ZNF234: variants seen among roughly 807,000 people sequenced by gnomAD.
ZNF234 encodes the protein C2-H2 type zinc finger protein.
In ZNF234, 4 loss-of-function variants were observed where a neutral mutation model predicts 10.3. The ratio of observed to expected loss-of-function variants is 0.39; its 90% CI spans 0.19 to 0.89. The LOEUF is 0.89. ZNF234 is among the 40% of genes least tolerant of loss of function. The pLI, the probability that ZNF234 is intolerant of heterozygous loss-of-function variation, is 0.38. For synonymous variants in ZNF234, 258 were observed against 280.1 expected (o/e 0.92, Z 0.79); for missense variants, 711 against 836.1 (o/e 0.85, Z 1.85).
chr19:44,150,393 T>C lies in ZNF234; in HGVS notation c.143-20T>C, dbSNP rs377448318. 3.9e-6 allele frequency: 6 copies of C among 1,557,012 alleles called. No individual in the cohort carries two copies. The African/African-American group carries it at 6.8e-5, about 18-fold the overall frequency. ...ACCTTTAGTGTGTTTGTTTTAAATA[T>C]GTGACTTTGCGTGTTCTAGGGCATC... On this transcript the variant is annotated intron_variant, in intron 4 of 5. Coordinates refer to ENST00000426739, the MANE Select transcript of ZNF234 (RefSeq NM_006630.3).
intron 5 of ZNF234, among the ~76,000 whole-genome samples, chr19:44,152,448 G>C (rs561146378): frequency 6.6e-6 from 1 of 152,310 alleles, no homozygotes; most frequent in Admixed American, 6.5e-5. Context: ...GTTGCAGAAC[G>C]TTATTTGTTT....
Position 44,158,302 on chromosome 19 carries a change from A to G in ZNF234, c.*183A>G, listed in dbSNP as rs1968962164. The G allele has an allele frequency of 4.5e-6, 3 of 672,404 alleles. No individual in the cohort carries two copies. Among genetic ancestry groups the G allele is most frequent in the African/African-American group, 1.8e-5 (1 of 55,540 alleles). The allele number at this position is 672,404 out of a possible 1,614,324, so 41.7% of individuals were successfully genotyped here. ...GAAACAGAATCTCGCTCTGTTGCCC[A>G]TGCTGGATGCAGTGGTGCTATCTCA... On this transcript the variant is annotated 3_prime_UTR_variant, in exon 6 of 6. Transcript: ENST00000426739.
chr19:44,144,887 C>G (rs1192979332), intron 3 of ZNF234, among the ~76,000 whole-genome samples: 1 of 152,160 alleles, frequency 6.6e-6, no homozygotes, highest in African/African-American at 2.4e-5. Context: ...GTGGATTCAA[C>G]CAACCACAGA....
rs1968918428 is a variant in ZNF234, at chr19:44,157,307, G to A, written c.1291G>A (p.Glu431Lys). Residue 431 changes from glutamate (E) to lysine (K), a missense_variant, in exon 6 of 6, where the codon GAA (glutamate) becomes AAA (lysine). By Grantham distance (56) the Glu-to-Lys change is moderately conservative. Transcript: ENST00000426739. ...VHTGEKPYKC[E>K]VCGKAFRQSS... ...CACAGGGGAAAAACCCTATAAATGT[G>A]AAGTATGTGGTAAAGCCTTCCGTCA... 1 of 1,613,982 alleles carries A rather than the reference G, an allele frequency of 6.2e-7. No homozygotes were observed. Among genetic ancestry groups the A allele is most frequent in the African/African-American group, 1.3e-5 (1 of 75,034 alleles).
At chr19:44,156,211 T>G (rs759153942) in intron 5 of ZNF234, 41 bp from the exon 6 acceptor site, 8 of 1,516,074 alleles carry the variant, frequency 5.3e-6, no homozygotes, top group Non-Finnish European at 6.2e-6. Flanking sequence ...TTGAAAACTT[T>G]TAACAGAGCC....
intron 5 of ZNF234, among the ~76,000 whole-genome samples, chr19:44,153,651 C>T (rs1259100130): frequency 6.6e-6 from 1 of 152,180 alleles, no homozygotes; most frequent in African/African-American, 2.4e-5. Context: ...CCAAGTGATT[C>T]TTGCCACCTT....
chr19:44,150,695 A>G (rs1240656991), intron 5 of ZNF234, among the ~76,000 whole-genome samples, 190 bp downstream of exon 5: 3 of 152,076 alleles, frequency 2.0e-5, no homozygotes, highest in Admixed American at 6.6e-5. Flanking sequence ...CGTTCTCCAT[A>G]TCATAGCTAA....
rs772906776 is a variant in ZNF234 at position 44,156,556 on chromosome 19, G to A, written c.540G>A (p.Glu180=). The A allele has an allele frequency of 6.2e-7, 1 of 1,614,116 alleles. No individual in the cohort carries two copies. The highest frequency in any genetic ancestry group is 1.1e-5 in the South Asian group (1 of 91,086). Residue 180 remains glutamate, a synonymous_variant, in exon 6 of 6, where the codon GAG becomes GAA. Coordinates refer to ENST00000426739, the MANE Select transcript of ZNF234 (RefSeq NM_006630.3). ...HSGEKSHTCD[E]CGKSFCYISA... is the part of the protein sequence containing the mutation. The stretch of plus-strand genomic sequence containing the variant: ...GAGAGAAGTCTCATACATGTGATGA[G>A]TGTGGAAAAAGCTTCTGTTACATCT...
chr19:44,156,985 G>T lies in ZNF234; in HGVS notation c.969G>T (p.Lys323Asn). The T allele has an allele frequency of 6.2e-7, 1 of 1,613,988 alleles. No homozygotes were observed. Among genetic ancestry groups the T allele is most frequent in the Non-Finnish European group, 8.5e-7 (1 of 1,179,942 alleles). The change falls in exon 6 of 6, where the codon AAG (lysine) becomes AAT (asparagine). Residue 323 changes from lysine to asparagine, a missense_variant. Transcript: ENST00000426739. ...EKPYKCEDCG[K>N]CFTCSSNLRI... ...CATACAAATGTGAGGACTGTGGTAA[G>T]TGTTTCACTTGTAGCTCAAACCTTC... is the stretch of plus-strand genomic sequence containing the variant.
intron 3 of ZNF234, among the ~76,000 whole-genome samples, chr19:44,144,950 G>A (rs1968554487): frequency 6.6e-6 from 1 of 152,164 alleles, no homozygotes. Flanking sequence ...TTTTGCGGTT[G>A]ATTGAGTCTG....
intron 5 of ZNF234, among the ~76,000 whole-genome samples, chr19:44,151,241 C>T (rs1254278252): frequency 2.6e-5 from 4 of 151,994 alleles, no homozygotes; most frequent in South Asian, 2.1e-4. Flanking sequence ...CTCGCTCTGT[C>T]GCCCAGGCTG....
Position 44,144,558 on chromosome 19 carries a change from G to A in ZNF234, c.-75G>A, listed in dbSNP as rs576190659. On this transcript the variant is annotated splice_region_variant and 5_prime_UTR_variant, in exon 3 of 6. Transcript: ENST00000426739. Reference sequence around the variant, plus strand: ...TGTCTCTTTTTGTGTCTTCCATAGTGTTCCAGGCACGATTCTGCCTTCTCT... The same window carrying A: ...TGTCTCTTTTTGTGTCTTCCATAGTATTCCAGGCACGATTCTGCCTTCTCT... The A allele has an allele frequency of 7.2e-6, 10 of 1,383,158 alleles. No individual in the cohort carries two copies. Among genetic ancestry groups the A allele is most frequent in the East Asian group, 4.8e-5 (2 of 41,906 alleles). The allele number at this position is 1,383,158 out of a possible 1,614,324, so 85.7% of individuals were successfully genotyped here. A position where few individuals can be genotyped will look rare whatever the true frequency, so the allele number is the denominator to read the frequency against.
Position 44,157,894 on chromosome 19 carries a change from T to G in ZNF234, c.1878T>G (p.Cys626Trp). 6.2e-7 allele frequency: 1 copy of G among 1,614,130 alleles called. No homozygotes were observed. Among genetic ancestry groups the G allele is most frequent in the Non-Finnish European group, 8.5e-7 (1 of 1,180,022 alleles). Residue 626 changes from cysteine (C) to tryptophan (W), a missense_variant, in exon 6 of 6, where the codon TGT (cysteine) becomes TGG (tryptophan). Transcript: ENST00000426739. The stretch of plus-strand genomic sequence containing the variant: ...ACACAGGAGAGAAACCATACAAATG[T>G]GATGTATGTGGTAAAGTCTTCAGTC... Reference protein sequence around the residue: ...SVHTGEKPYKCDVCGKVFSRS... With the variant: ...SVHTGEKPYKWDVCGKVFSRS...
Position 44,158,249 on chromosome 19 carries a change from CT to C in ZNF234, c.*138del, listed in dbSNP as rs548604741. 59 of 1,084,894 alleles carry C rather than the reference CT, an allele frequency of 5.4e-5. No individual in the cohort carries two copies. The highest frequency in any genetic ancestry group is 9.1e-5 in the South Asian group (7 of 76,580). 67.2% of individuals were successfully genotyped at this position (1,084,894 alleles called of 1,614,324 possible). ...GTAACGCTCCACATTTCCACCTAGACTTTTTTTTGTTTTTTATTTTTTGTTT... is the reference window on the plus strand; with the variant it reads ...GTAACGCTCCACATTTCCACCTAGACTTTTTTTGTTTTTTATTTTTTGTTT... On this transcript the variant is annotated 3_prime_UTR_variant, in exon 6 of 6. Coordinates refer to ENST00000426739, the MANE Select transcript of ZNF234 (RefSeq NM_006630.3).
Position 44,156,693 on chromosome 19 carries a change from A to G in ZNF234, c.677A>G (p.His226Arg), listed in dbSNP as rs370073890. ...CATCTTCAAACTCATCAGAGAGTCCACACTGTAGAGAAACCATTCAAATGT... is the reference window on the plus strand; with the variant it reads ...CATCTTCAAACTCATCAGAGAGTCCGCACTGTAGAGAAACCATTCAAATGT... Reference protein sequence around the residue: ...SSHLQTHQRVHTVEKPFKCVE... With the variant: ...SSHLQTHQRVRTVEKPFKCVE... The change falls in exon 6 of 6, where the codon CAC becomes CGC. Residue 226 changes from histidine to arginine, a missense_variant. Physicochemically the swap from His to Arg is conservative, Grantham distance 29 (BLOSUM62 0). Coordinates refer to ENST00000426739, the MANE Select transcript of ZNF234 (RefSeq NM_006630.3). The G allele has an allele frequency of 6.2e-7, 1 of 1,614,132 alleles. No homozygotes were observed. The highest frequency in any genetic ancestry group is 8.5e-7 in the Non-Finnish European group (1 of 1,180,056).
chr19:44,157,415 C>A lies in ZNF234; in HGVS notation c.1399C>A (p.Gln467Lys). Residue 467 changes from glutamine to lysine, a missense_variant, in exon 6 of 6, where the codon CAG becomes AAG. Physicochemically the swap from Gln to Lys is moderately conservative, Grantham distance 53. Transcript: ENST00000426739. ...TGAAGAGTGTGGGCAGGGCTTCAAT[C>A]AGAGCTCACGACTTCAGATTCACCA... is the stretch of plus-strand genomic sequence containing the variant. ...KCEECGQGFN[Q>K]SSRLQIHQLI... is the part of the protein sequence containing the mutation. 6.2e-7 allele frequency: 1 copy of A among 1,613,960 alleles called. No homozygotes were observed.
rs762938368 is a variant in ZNF234 at position 44,150,408 on chromosome 19, T to C, written c.143-5T>C. Reference sequence around the variant, plus strand: ...GTTTTAAATATGTGACTTTGCGTGTTCTAGGGCATCACCCCTTCAAACATG... The same window carrying C: ...GTTTTAAATATGTGACTTTGCGTGTCCTAGGGCATCACCCCTTCAAACATG... On this transcript the variant is annotated splice_polypyrimidine_tract_variant and splice_region_variant and intron_variant, in intron 4 of 5. Transcript: ENST00000426739. 2.5e-6 allele frequency: 4 copies of C among 1,573,546 alleles called. No individual in the cohort carries two copies. Among genetic ancestry groups the C allele is most frequent in the Non-Finnish European group, 2.6e-6 (3 of 1,159,978 alleles).
At position 44,157,519 on chromosome 19, in the gene ZNF234, T is replaced by G; in HGVS notation, c.1503T>G (p.Ile501Met). ...KGFSRRADLK[I>M]HCRIHTGEKP... ...TTAGTCGTAGAGCAGATCTTAAAAT[T>G]CATTGTAGGATCCACACAGGGGAGA... Residue 501 changes from isoleucine to methionine, a missense_variant, in exon 6 of 6, where the codon ATT becomes ATG. Ile to Met is a conservative substitution (Grantham distance 10, BLOSUM62 1). Transcript: ENST00000426739. 2.5e-6 allele frequency: 4 copies of G among 1,613,628 alleles called. No individual in the cohort carries two copies. The highest frequency in any genetic ancestry group is 3.4e-6 in the Non-Finnish European group (4 of 1,179,910).
Position 44,157,935 on chromosome 19 carries a change from A to C in ZNF234, c.1919A>C (p.Gln640Pro). 6.2e-7 allele frequency: 1 copy of C among 1,614,072 alleles called. No individual in the cohort carries two copies. Among genetic ancestry groups the C allele is most frequent in the South Asian group, 1.1e-5 (1 of 91,076 alleles). Reference protein sequence around the residue: ...GKVFSRSSQLQYHRRVHTGEK... With the variant: ...GKVFSRSSQLPYHRRVHTGEK... ...GTCTTCAGTCGGTCTTCACAATTACAGTATCATAGGCGAGTTCACACTGGG... is the reference window on the plus strand; with the variant it reads ...GTCTTCAGTCGGTCTTCACAATTACCGTATCATAGGCGAGTTCACACTGGG... Residue 640 changes from glutamine (Q) to proline (P), a missense_variant, in exon 6 of 6, where the codon CAG (glutamine) becomes CCG (proline). Physicochemically the swap from Gln to Pro is moderately conservative, Grantham distance 76. Coordinates refer to ENST00000426739, the MANE Select transcript of ZNF234 (RefSeq NM_006630.3).
Sources: allele counts gnomAD v4.1 joint callset (sites outside exome capture counted in the v4.1 genomes callset), GRCh38; gene constraint gnomAD v4.1.1; transcripts MANE v1.5; gene names NCBI Gene and HGNC (gene_info 2026-07-23, HGNC 2026-07-21).